The following SCN1A variants were observed in gnomAD, a reference collection of about 807,000 sequenced individuals.
SCN1A encodes sodium voltage-gated channel alpha subunit 1.
Under a neutral mutation model 193.7 loss-of-function variants are expected in SCN1A, and 13 were observed. The ratio of observed to expected loss-of-function variants is 0.07; its 90% CI spans 0.04 to 0.11. SCN1A has a LOEUF of 0.11. Ranked by LOEUF, SCN1A falls within the 10% of genes least tolerant of loss-of-function variation. The pLI is 1.00. For missense variants in SCN1A, 1,432 were observed against 2,451.1 expected, an observed-to-expected ratio of 0.58 and a Z score of 8.78; for synonymous variants, 781 against 843.6, an observed-to-expected ratio of 0.93 and a Z score of 1.29.
At chr2:166,144,706 G>A (rs905453433) in intron 1 of SCN1A, among the ~76,000 whole-genome samples, 1 of 152,092 alleles carries the variant, frequency 6.6e-6, no homozygotes, top group African/African-American at 2.4e-5. Flanking sequence ...CAAACTACAT[G>A]AACTATTGAG....
At chr2:166,029,637 GA>G (rs1354922798) in intron 19 of SCN1A, among the ~76,000 whole-genome samples, 7 of 152,152 alleles carry the variant, frequency 4.6e-5, no homozygotes, top group East Asian at 1.9e-4. Flanking sequence ...ATATAATTGG[GA>G]AAAAATGGAA....
chr2:166,109,296 A>G (rs932647157), intron 2 of SCN1A, among the ~76,000 whole-genome samples: 2 of 152,230 alleles, frequency 1.3e-5, no homozygotes, highest in Admixed American at 6.5e-5. Context: ...ATAACAGTAC[A>G]GATAGATAAG....
intron 19 of SCN1A, among the ~76,000 whole-genome samples, chr2:166,028,267 A>G (rs1344555077): frequency 1.3e-5 from 2 of 152,192 alleles, no homozygotes; most frequent in Admixed American, 6.5e-5. Context: ...GAAAGAAAAC[A>G]AAAAAATTCT....
At chr2:166,043,598 G>C in intron 14 of SCN1A, 71 bp downstream of exon 14, 1 of 1,510,448 alleles carries the variant, frequency 6.6e-7, no homozygotes, top group South Asian at 1.3e-5. Flanking sequence ...CAAGGTTGCC[G>C]TTCTGTAGAA....
intron 22 of SCN1A, among the ~76,000 whole-genome samples, chr2:166,011,848 C>G (rs1692506376): frequency 6.6e-6 from 1 of 151,234 alleles, no homozygotes; most frequent in South Asian, 2.1e-4. Context: ...ACTTTCCCTA[C>G]AAACTGCTGA....
intron 19 of SCN1A, among the ~76,000 whole-genome samples, chr2:166,030,148 A>G (rs1228530131): frequency 6.6e-6 from 1 of 152,206 alleles, no homozygotes; most frequent in Non-Finnish European, 1.5e-5. Flanking sequence ...TTCAGACACT[A>G]TTAAGATTTA....
chr2:165,992,554 AAT>A lies in SCN1A; in HGVS notation c.4853-134_4853-133del, dbSNP rs1310066991. 2.0e-5 allele frequency: 12 copies of A among 608,024 alleles called. No individual in the cohort carries two copies. Among genetic ancestry groups the A allele is most frequent in the East Asian group, 3.3e-5 (1 of 30,160 alleles). 37.7% of individuals were successfully genotyped at this position (608,024 alleles called of 1,614,324 possible). On this transcript the variant is annotated intron_variant, in intron 28 of 28. Coordinates refer to ENST00000674923, the MANE Select transcript of SCN1A (RefSeq NM_001165963.4). The surrounding 1 kb of genome is among the most constrained non-coding windows in gnomAD (Gnocchi z 6.5). Reference sequence around the variant, plus strand: ...TATATTAAATATGACAACTATATATAATATATATATAATTGTACATAATATAT... The same window carrying A: ...TATATTAAATATGACAACTATATATAATATATATAATTGTACATAATATAT...
intron 26 of SCN1A, among the ~76,000 whole-genome samples, chr2:165,997,660 T>C (rs1690259831): frequency 6.6e-6 from 1 of 151,350 alleles, no homozygotes; most frequent in Non-Finnish European, 1.5e-5. Flanking sequence ...AAAGAATTAG[T>C]TGGAAAATAT....
chr2:166,127,594 G>GGGGGA (rs1174164281), intron 1 of SCN1A, among the ~76,000 whole-genome samples, 177 bp downstream of exon 1: 14 of 151,980 alleles, frequency 9.2e-5, no homozygotes, highest in African/African-American at 3.1e-4. Flanking sequence ...GAGAGAGGAG[G>GGGGGA]GGGGAGGGGA....
chr2:166,090,988 C>T (rs1186944252), intron 2 of SCN1A, among the ~76,000 whole-genome samples: 5 of 152,198 alleles, frequency 3.3e-5, no homozygotes, highest in South Asian at 2.1e-4. Context: ...TATTTTATTG[C>T]ATCACAATCT....
In SCN1A at chr2:166,141,365, C is replaced by T. The variant is rs189925730; in HGVS notation, c.-50+7682G>A. Among the ~76,000 whole-genome samples the T allele has an allele frequency of 5.9e-5, 9 of 151,574 alleles. No homozygotes were observed. In the East Asian group the frequency reaches 7.8e-4, roughly 13 times the overall value. ...TGTATATCCAAGCATCTGAAATATA[C>T]GTGTTTTATATTTTTCTTTTTTTTA... On this transcript the variant is annotated intron_variant, in intron 1 of 26. Transcript: ENST00000635750.
chr2:166,039,652 A>C, intron 16 of SCN1A, 56 bp from the exon 17 acceptor site: 1 of 1,479,482 alleles, frequency 6.8e-7, no homozygotes, highest in South Asian at 1.2e-5. Flanking sequence ...ACATGACATA[A>C]GATTTGCTCT....
chr2:166,053,914 G>A (rs912419085), intron 7 of SCN1A, among the ~76,000 whole-genome samples: 62 of 151,994 alleles, frequency 4.1e-4, no homozygotes, highest in African/African-American at 1.4e-3. Context: ...AAGCATTGGG[G>A]TGCATAAACT....
intron 3 of SCN1A, 46 bp downstream of exon 3, chr2:166,077,664 T>C (rs1394491738): frequency 1.3e-5 from 2 of 151,962 alleles, no homozygotes; most frequent in Non-Finnish European, 2.9e-5. Context: ...TAGCAGTTTC[T>C]TAAAAACCAA....
chr2:166,130,593 C>G (rs1225028939), upstream of SCN1A, among the ~76,000 whole-genome samples: 2 of 152,074 alleles, frequency 1.3e-5, no homozygotes, highest in African/African-American at 4.8e-5. Flanking sequence ...ATTCTTTTTT[C>G]TTTTGTTAAT....
chr2:165,996,151 G>C, intron 26 of SCN1A, 34 bp from the exon 27 acceptor site: 1 of 1,313,128 alleles, frequency 7.6e-7, no homozygotes, highest in Non-Finnish European at 1.1e-6. Flanking sequence ...GGTTAAAACT[G>C]TGTCCTTTTG....
intron 23 of SCN1A, among the ~76,000 whole-genome samples, chr2:166,004,399 T>C (rs1416683270): frequency 6.6e-6 from 1 of 151,546 alleles, no homozygotes; most frequent in Non-Finnish European, 1.5e-5. Context: ...TATTTCTCGA[T>C]TTTCTTTTCA....
At position 166,015,469 on chromosome 2, in the gene SCN1A, T is replaced by C. The variant is rs1036761075; in HGVS notation, c.3550+138A>G. ...TGACACTAGACTTTAAGTTTTTTTG[T>C]CTGTCAACATATTAGAGGTGATTGA... On this transcript the variant is annotated intron_variant, in intron 20 of 28. Transcript: ENST00000674923. 3.7e-5 allele frequency: 38 copies of C among 1,022,950 alleles called. 1 individual carries two copies. Among genetic ancestry groups the C allele is most frequent in the Admixed American group, 2.0e-5 (1 of 51,086 alleles). 63.4% of individuals were successfully genotyped at this position (1,022,950 alleles called of 1,614,324 possible). A position where few individuals can be genotyped will look rare whatever the true frequency, so the allele number is the denominator to read the frequency against.
chr2:166,139,183 T>C lies in SCN1A; in HGVS notation c.-50+9864A>G, dbSNP rs369223864. On this transcript the variant is annotated intron_variant, in intron 1 of 26. Transcript: ENST00000635750. ...TTTGGATTGTGGACTTTTCAGTTAA[T>C]GCTGAAATGAGTTAAGACTTTGGAG... 7.9e-5 allele frequency among the ~76,000 whole-genome samples: 12 copies of C among 152,296 alleles called. No homozygotes were observed. In the East Asian group the frequency reaches 2.1e-3, roughly 27 times the overall value.
Sources: allele counts gnomAD v4.1 joint callset (sites outside exome capture counted in the v4.1 genomes callset), GRCh38; gene constraint gnomAD v4.1.1; non-coding constraint Gnocchi (gnomAD v3.1); transcripts MANE v1.5; gene names NCBI Gene and HGNC (gene_info 2026-07-23, HGNC 2026-07-21).